CHDH: variants seen among roughly 807,000 people sequenced by gnomAD.
CHDH encodes choline dehydrogenase.
Under a neutral mutation model 56.9 loss-of-function variants are expected in CHDH, and 43 were observed. The ratio of observed to expected loss-of-function variants is 0.76; its 90% CI spans 0.59 to 0.97. CHDH has a LOEUF of 0.97. Among genes scored for constraint, CHDH ranks in the 50% least tolerant of loss-of-function variants. The probability of loss-of-function intolerance (pLI) is 0.00; values close to 1 mark genes in which losing one functional copy is unlikely to be tolerated. For missense variants in CHDH, 816 were observed against 821.1 expected (o/e 0.99, Z 0.08); for synonymous variants, 364 against 348.5 (o/e 1.04, Z -0.50).
At position 53,819,380 on chromosome 3, in the gene CHDH, C is replaced by T. The variant is rs1003045659; in HGVS notation, c.1263+152G>A. The T allele has an allele frequency of 5.8e-6, 6 of 1,038,258 alleles. No individual in the cohort carries two copies. Among genetic ancestry groups the T allele is most frequent in the Admixed American group, 2.4e-5 (1 of 41,488 alleles). The allele number at this position is 1,038,258 out of a possible 1,614,324, so 64.3% of individuals were successfully genotyped here. On this transcript the variant is annotated intron_variant, in intron 7 of 8. Transcript: ENST00000315251. The surrounding 1 kb of genome is among the most constrained non-coding windows in gnomAD (Gnocchi z 5.4). ...GGCATGCACCACGCAGACTGACACG[C>T]TGGGCAGCTGGAAGGCAGGGGACAG... is the stretch of plus-strand genomic sequence containing the variant.
intron 2 of CHDH, among the ~76,000 whole-genome samples, chr3:53,824,434 G>A (rs572843636): frequency 1.3e-5 from 2 of 152,228 alleles, no homozygotes; most frequent in Non-Finnish European, 2.9e-5. Flanking sequence ...TCAAGACAGT[G>A]GGCTCAGCCC....
intron 8 of CHDH, among the ~76,000 whole-genome samples, chr3:53,818,415 G>A (rs1459278511): frequency 6.6e-6 from 1 of 152,188 alleles, no homozygotes; most frequent in Non-Finnish European, 1.5e-5. Context: ...CACGGACACA[G>A]CCCACCCAGA....
chr3:53,837,106 A>C (rs1698520524), intron 2 of CHDH, among the ~76,000 whole-genome samples: 1 of 152,146 alleles, frequency 6.6e-6, no homozygotes, highest in Non-Finnish European at 1.5e-5. Context: ...AGGCAGGAGA[A>C]TCACTTCAGC....
chr3:53,834,906 G>A lies in CHDH; in HGVS notation c.-60+6023C>T, dbSNP rs62250936. Among the ~76,000 whole-genome samples the A allele has an allele frequency of 8.4e-3, 1,286 of 152,288 alleles. 21 individuals carry two copies. The highest frequency in any genetic ancestry group is 0.03 in the African/African-American group (1,233 of 41,552). ...GAAGACAGAACTCTGGAGAGAGGCC[G>A]AGCCACACCAGCCTAGTCCTGCATG... On this transcript the variant is annotated intron_variant, in intron 2 of 8. Transcript: ENST00000315251.
intron 3 of CHDH, 132 bp downstream of exon 3, chr3:53,823,174 C>T (rs1576783450): frequency 4.9e-6 from 4 of 812,330 alleles, no homozygotes; most frequent in Middle Eastern, 3.5e-4. Flanking sequence ...GATCTCTTCC[C>T]GGTCGTGCCA....
intron 2 of CHDH, among the ~76,000 whole-genome samples, chr3:53,825,495 T>C (rs915273546): frequency 2.0e-5 from 3 of 152,048 alleles, no homozygotes; most frequent in South Asian, 4.1e-4. Flanking sequence ...TAATTGGATA[T>C]AGCACAGAAA....
In CHDH at chr3:53,815,440, A is replaced by C. The variant is rs527942238; in HGVS notation, c.*2337T>G. ...GAAAGACTCCCTTCATGGCAGGGGA[A>C]CGCTCAGGTTCTGGACATGTGACAC... is the stretch of plus-strand genomic sequence containing the variant. On this transcript the variant is annotated 3_prime_UTR_variant, in exon 9 of 9. Transcript: ENST00000315251. 1.8e-4 allele frequency: 28 copies of C among 152,326 alleles called. No individual in the cohort carries two copies. The highest frequency in any genetic ancestry group is 6.5e-4 in the African/African-American group (27 of 41,558). 9.4% of individuals were successfully genotyped at this position (152,326 alleles called of 1,614,324 possible). A position where few individuals can be genotyped will look rare whatever the true frequency, so the allele number is the denominator to read the frequency against.
chr3:53,835,292 T>C (rs1399271710), intron 2 of CHDH, among the ~76,000 whole-genome samples: 6 of 152,224 alleles, frequency 3.9e-5, no homozygotes, highest in Admixed American at 6.5e-5. Context: ...CCATAGCCCA[T>C]TGTGGACAAG....
intron 5 of CHDH, among the ~76,000 whole-genome samples, chr3:53,821,189 A>G (rs2095625695): frequency 6.6e-6 from 1 of 152,250 alleles, no homozygotes; most frequent in African/African-American, 2.4e-5. Context: ...CCCGACCCTC[A>G]AGAGCATCAG....
intron 2 of CHDH, among the ~76,000 whole-genome samples, chr3:53,839,072 G>A (rs961293662): frequency 7.2e-5 from 11 of 152,290 alleles, no homozygotes; most frequent in East Asian, 1.9e-4. Context: ...CGGGGAGCCC[G>A]GACCAGCAGA....
In CHDH at chr3:53,818,114, C is replaced by A; in HGVS notation, c.1448G>T (p.Gly483Val). 1 of 1,614,044 alleles carries A rather than the reference C, an allele frequency of 6.2e-7. No individual in the cohort carries two copies. The highest frequency in any genetic ancestry group is 1.1e-5 in the South Asian group (1 of 91,076). ...FAQEALAPFR[G>V]KELQPGSHIQ... Reference sequence around the variant, plus strand: ...GTGGCTTCCTGGCTGGAGCTCTTTCCCTCGGAACGGAGCCAGGGCTTCCTG... The same window carrying A: ...GTGGCTTCCTGGCTGGAGCTCTTTCACTCGGAACGGAGCCAGGGCTTCCTG... Residue 483 changes from glycine to valine, a missense_variant, in exon 9 of 9, where the codon GGG (glycine) becomes GTG (valine). Transcript: ENST00000315251.
chr3:53,833,330 C>T (rs1698397014), intron 2 of CHDH, among the ~76,000 whole-genome samples: 1 of 152,188 alleles, frequency 6.6e-6, no homozygotes, highest in Admixed American at 6.5e-5. Flanking sequence ...CAACACCTCC[C>T]CTTGATACTC....
intron 2 of CHDH, among the ~76,000 whole-genome samples, chr3:53,832,367 TA>T (rs1559758817): frequency 6.6e-6 from 1 of 151,944 alleles, no homozygotes; most frequent in Non-Finnish European, 1.5e-5. Flanking sequence ...CCATCTCTAC[TA>T]AAAATACAAA....
chr3:53,828,203 TA>T (rs1208036956), intron 2 of CHDH, among the ~76,000 whole-genome samples: 1 of 117,008 alleles, frequency 8.5e-6, no homozygotes, highest in African/African-American at 3.8e-5. Context: ...ACACACAGAG[TA>T]AATATAGACA....
intron 2 of CHDH, among the ~76,000 whole-genome samples, chr3:53,838,076 AAAAAAAAAG>A (rs1698558631): frequency 1.3e-5 from 2 of 151,040 alleles, no homozygotes; most frequent in South Asian, 4.2e-4. Flanking sequence ...AAAAAAAAAA[AAAAAAAAAG>A]AGACTGTAAG....
At chr3:53,838,131 TG>T (rs1393706700) in intron 2 of CHDH, among the ~76,000 whole-genome samples, 1 of 129,496 alleles carries the variant, frequency 7.7e-6, no homozygotes, top group African/African-American at 2.9e-5. Context: ...CAGGCAAGGG[TG>T]GGGGGCCCAG....
Position 53,827,258 on chromosome 3 carries a change from G to A in CHDH, c.-59-3191C>T, listed in dbSNP as rs117805936. Among the ~76,000 whole-genome samples the A allele has an allele frequency of 1.7e-3, 264 of 152,198 alleles. 3 individuals carry two copies. In the East Asian group the frequency reaches 0.019, roughly 11 times the overall value. On this transcript the variant is annotated intron_variant, in intron 2 of 8. Coordinates refer to ENST00000315251, the MANE Select transcript of CHDH (RefSeq NM_018397.5). ...TTATGAGATCTGGTTGTTTATAAGC[G>A]TGTGGCACCTCCCCTCCTCTCTCTC...
chr3:53,830,402 TTA>T (rs34884918), intron 2 of CHDH, among the ~76,000 whole-genome samples: 374 of 146,894 alleles, frequency 2.5e-3, no homozygotes, highest in Non-Finnish European at 4.2e-3. Flanking sequence ...CTAAATGAGA[TTA>T]TATATATATA....
At position 53,819,771 on chromosome 3, in the gene CHDH, T is replaced by A; in HGVS notation, c.1121-97A>T. The A allele has an allele frequency of 1.4e-6, 2 of 1,403,780 alleles. No homozygotes were observed. Among genetic ancestry groups the A allele is most frequent in the Non-Finnish European group, 1.9e-6 (2 of 1,054,862 alleles). 87.0% of individuals were successfully genotyped at this position (1,403,780 alleles called of 1,614,324 possible). On this transcript the variant is annotated intron_variant, in intron 6 of 8. Transcript: ENST00000315251. This position sits in a 1 kb window ranked among gnomAD's most constrained non-coding sequence, Gnocchi z 5.4. The stretch of plus-strand genomic sequence containing the variant: ...CCCTCCTTTCTCCTGGCCGCTCCTC[T>A]TCCTTTTCCCGGACTCCACTCTAGT...
Sources: allele counts gnomAD v4.1 joint callset (sites outside exome capture counted in the v4.1 genomes callset), GRCh38; gene constraint gnomAD v4.1.1; non-coding constraint Gnocchi (gnomAD v3.1); transcripts MANE v1.5; gene names NCBI Gene and HGNC (gene_info 2026-07-23, HGNC 2026-07-21).